Variants in MAML3 observed in about 807,000 individuals in gnomAD.
MAML3 encodes the protein mastermind like transcriptional coactivator 3, also known as mastermind-like protein 3.
In MAML3, 27 loss-of-function variants were observed where a neutral mutation model predicts 101.9. That is an observed-to-expected ratio of 0.27 (90% CI 0.20 to 0.37). MAML3 has a LOEUF of 0.37. MAML3 is among the 10% of genes least tolerant of loss of function. The pLI, the probability that MAML3 is intolerant of heterozygous loss-of-function variation, is 1.00. For synonymous variants in MAML3, 501 were observed against 555.9 expected (o/e 0.90, Z 1.39); for missense variants, 1,316 against 1,444.9 (o/e 0.91, Z 1.45).
intron 2 of MAML3, among the ~76,000 whole-genome samples, chr4:139,841,386 G>C (rs575206955): frequency 2.0e-5 from 3 of 152,290 alleles, no homozygotes; most frequent in African/African-American, 7.2e-5. Flanking sequence ...TCTTCATGTA[G>C]GGTCAAGGAA....
chr4:139,931,864 C>T (rs1578604041), intron 1 of MAML3, among the ~76,000 whole-genome samples: 1 of 149,988 alleles, frequency 6.7e-6, no homozygotes, highest in Admixed American at 6.6e-5. Flanking sequence ...AAAAAAAATA[C>T]AAAAATTAGT....
At chr4:139,998,350 T>A (rs1734857758) in intron 1 of MAML3, among the ~76,000 whole-genome samples, 1 of 114,960 alleles carries the variant, frequency 8.7e-6, no homozygotes, top group Admixed American at 1.1e-4. Flanking sequence ...TTTAATTTTT[T>A]AAAAATAGAT....
At chr4:140,038,497 C>T (rs535271381) in intron 1 of MAML3, among the ~76,000 whole-genome samples, 63 of 152,332 alleles carry the variant, frequency 4.1e-4, no homozygotes, top group African/African-American at 1.4e-3. Context: ...TCCCTGACTT[C>T]CTAGGGCCAA....
intron 1 of MAML3, among the ~76,000 whole-genome samples, chr4:140,149,191 A>C (rs1257729929): frequency 6.6e-6 from 1 of 152,258 alleles, no homozygotes; most frequent in South Asian, 2.1e-4. Flanking sequence ...AGGTGAAGTC[A>C]ATAATTTTCA....
chr4:139,865,501 T>TTG (rs1560818445), intron 2 of MAML3, among the ~76,000 whole-genome samples: 3 of 135,604 alleles, frequency 2.2e-5, no homozygotes, highest in Admixed American at 1.5e-4. Flanking sequence ...TTTTTGTTTT[T>TTG]TTTTTTTTTC....
intron 2 of MAML3, among the ~76,000 whole-genome samples, chr4:139,872,433 T>C (rs1732031608): frequency 6.6e-6 from 1 of 152,186 alleles, no homozygotes. Context: ...CTGTGAATAA[T>C]ACAAATGTGG....
At chr4:139,976,143 T>C (rs1325935448) in intron 1 of MAML3, among the ~76,000 whole-genome samples, 1 of 152,228 alleles carries the variant, frequency 6.6e-6, no homozygotes, top group Admixed American at 6.5e-5. Context: ...TTAAGGCAAC[T>C]TCAGCCTGAA....
chr4:139,887,746 A>C (rs1732371512), intron 2 of MAML3, among the ~76,000 whole-genome samples: 1 of 152,254 alleles, frequency 6.6e-6, no homozygotes. Context: ...CGAATGTAGA[A>C]GCACAATTTG....
intron 2 of MAML3, among the ~76,000 whole-genome samples, chr4:139,865,488 T>TG (rs1553961135): frequency 2.0e-5 from 2 of 99,744 alleles, no homozygotes; most frequent in African/African-American, 1.7e-4. Context: ...GTAAAAGGTT[T>TG]TTTTTTTGTT....
rs138939946 is a variant in MAML3, at chr4:140,130,381, G to T, written c.468+22479C>A. Among the ~76,000 whole-genome samples the T allele has an allele frequency of 1.6e-3, 241 of 152,250 alleles. 5 individuals carry two copies. In the East Asian group the frequency reaches 0.041, roughly 26 times the overall value. On this transcript the variant is annotated intron_variant, in intron 1 of 4. Transcript: ENST00000509479. Reference sequence around the variant, plus strand: ...TCTGCCCAAATGCATATTTCTAAAAGAAGTTCAACTAAAAGTGGTACAGTA... The same window carrying T: ...TCTGCCCAAATGCATATTTCTAAAATAAGTTCAACTAAAAGTGGTACAGTA...
intron 2 of MAML3, among the ~76,000 whole-genome samples, chr4:139,760,477 A>T (rs1729733121): frequency 6.6e-6 from 1 of 152,192 alleles, no homozygotes; most frequent in African/African-American, 2.4e-5. Flanking sequence ...GAGAATTAAA[A>T]GGGACTGATG....
chr4:140,138,866 T>G (rs1347098112), intron 1 of MAML3, among the ~76,000 whole-genome samples: 1 of 152,238 alleles, frequency 6.6e-6, no homozygotes, highest in East Asian at 1.9e-4. Context: ...CTTCTTTGAC[T>G]TAGTATCCAG....
intron 1 of MAML3, among the ~76,000 whole-genome samples, chr4:139,947,978 G>A (rs1733761441): frequency 6.6e-6 from 1 of 152,084 alleles, no homozygotes; most frequent in South Asian, 2.1e-4. Flanking sequence ...GCGCATGCCT[G>A]TAATCTCAGC....
chr4:139,804,266 A>T (rs1730665807), intron 2 of MAML3, among the ~76,000 whole-genome samples: 1 of 131,272 alleles, frequency 7.6e-6, no homozygotes, highest in Admixed American at 7.4e-5. Context: ...GATCTCACTA[A>T]GGATTTTTTT....
At position 140,051,353 on chromosome 4, in the gene MAML3, G is replaced by A. The variant is rs888325884; in HGVS notation, c.468+101507C>T. The stretch of plus-strand genomic sequence containing the variant: ...GTGGATCACCTGAGGTTAGGAGTTC[G>A]AGACCAGCCTGGCCAACATGGTGAA... On this transcript the variant is annotated intron_variant, in intron 1 of 4. Transcript: ENST00000509479. 5.3e-5 allele frequency among the ~76,000 whole-genome samples: 8 copies of A among 152,020 alleles called. No individual in the cohort carries two copies. The East Asian group carries it at 5.8e-4, about 11-fold the overall frequency.
intron 1 of MAML3, among the ~76,000 whole-genome samples, chr4:140,129,581 G>A (rs767994012): frequency 1.3e-5 from 2 of 152,176 alleles, no homozygotes; most frequent in African/African-American, 2.4e-5. Context: ...GAGACCAAAC[G>A]TGTAGAAACG....
At chr4:140,116,127 G>C (rs1170497058) in intron 1 of MAML3, among the ~76,000 whole-genome samples, 2 of 152,068 alleles carry the variant, frequency 1.3e-5, no homozygotes, top group African/African-American at 4.8e-5. Flanking sequence ...TTGCTGAATA[G>C]GTTAAATGTC....
chr4:140,121,575 C>CT (rs1309162865), intron 1 of MAML3, among the ~76,000 whole-genome samples: 1 of 152,192 alleles, frequency 6.6e-6, no homozygotes, highest in Non-Finnish European at 1.5e-5. Flanking sequence ...TACGCTGATA[C>CT]TCAATATGGC....
chr4:139,865,568 C>T (rs1333140983), intron 2 of MAML3, among the ~76,000 whole-genome samples: 1 of 149,156 alleles, frequency 6.7e-6, no homozygotes, highest in African/African-American at 2.5e-5. Flanking sequence ...AGAAGTGGTC[C>T]AGGTTCTGGG....
Sources: allele counts gnomAD v4.1 joint callset (sites outside exome capture counted in the v4.1 genomes callset), GRCh38; gene constraint gnomAD v4.1.1; transcripts MANE v1.5; gene names NCBI Gene and HGNC (gene_info 2026-07-23, HGNC 2026-07-21).